The following BTBD9 variants were observed in gnomAD, a reference collection of about 807,000 sequenced individuals.
BTBD9 encodes BTB/POZ domain-containing protein 9.
A neutral mutation model predicts 64.3 loss-of-function variants in BTBD9; 49 were observed. That is an observed-to-expected ratio of 0.76 (90% confidence interval 0.61 to 0.97). BTBD9 has a LOEUF of 0.97. Ranked by LOEUF, BTBD9 falls within the 50% of genes least tolerant of loss-of-function variation. BTBD9 has a pLI of 0.00. For synonymous variants in BTBD9, 260 were observed against 274.7 expected, an observed-to-expected ratio of 0.95 and a Z score of 0.53; for missense variants, 598 against 762.1, an observed-to-expected ratio of 0.78 and a Z score of 2.53.
intron 4 of BTBD9, among the ~76,000 whole-genome samples, chr6:38,586,953 C>T (rs564458392): frequency 6.6e-6 from 1 of 151,876 alleles, no homozygotes; most frequent in East Asian, 1.9e-4. Context: ...ATCCCAGCTC[C>T]TCGGGAGGCT....
At position 38,171,272 on chromosome 6, in the gene BTBD9, C is replaced by A. The variant is rs372474013; in HGVS notation, c.*3713G>T. ...TGACAACTGGGGCGACAGCATAATACTGGGCAATTTTTTGCACAATTCAAA... is the reference window on the plus strand; with the variant it reads ...TGACAACTGGGGCGACAGCATAATAATGGGCAATTTTTTGCACAATTCAAA... On this transcript the variant is annotated 3_prime_UTR_variant, in exon 11 of 11. Coordinates refer to ENST00000481247, the MANE Select transcript of BTBD9 (RefSeq NM_001099272.2). The A allele has an allele frequency of 6.6e-6, 1 of 152,208 alleles. No homozygotes were observed. The highest frequency in any genetic ancestry group is 2.4e-5 in the African/African-American group (1 of 41,448). 9.4% of individuals were successfully genotyped at this position (152,208 alleles called of 1,614,324 possible).
At chr6:38,280,151 A>T (rs1761455255) in intron 8 of BTBD9, among the ~76,000 whole-genome samples, 1 of 152,218 alleles carries the variant, frequency 6.6e-6, no homozygotes, top group South Asian at 2.1e-4. Context: ...AAACTGGCTG[A>T]GGCATATTTA....
At position 38,560,191 on chromosome 6, in the gene BTBD9, G is replaced by A. The variant is rs182297339; in HGVS notation, c.1154+17409C>T. Among the ~76,000 whole-genome samples, 333 of 152,140 alleles carry A rather than the reference G, an allele frequency of 2.2e-3. 2 individuals carry two copies. Among genetic ancestry groups the A allele is most frequent in the Middle Eastern group, 0.017 (5 of 294 alleles). On this transcript the variant is annotated intron_variant, in intron 6 of 10. Transcript: ENST00000481247. ...GCATCTGACAAAGGTCTAATATCTA[G>A]AATTTATACGGAACTTAATTCAACA...
At chr6:38,229,464 T>C (rs1301003961) in intron 9 of BTBD9, among the ~76,000 whole-genome samples, 1 of 152,168 alleles carries the variant, frequency 6.6e-6, no homozygotes, top group African/African-American at 2.4e-5. Flanking sequence ...TATCCCTAGT[T>C]CCTTTAATTG....
chr6:38,197,472 T>C (rs1317215149), intron 9 of BTBD9, among the ~76,000 whole-genome samples: 2 of 152,308 alleles, frequency 1.3e-5, no homozygotes, highest in South Asian at 2.1e-4. Flanking sequence ...GACACCTCAT[T>C]TACGTGTCTG....
At chr6:38,193,395 C>G (rs572627926) in intron 9 of BTBD9, among the ~76,000 whole-genome samples, 158 of 152,298 alleles carry the variant, frequency 1.0e-3, no homozygotes, top group South Asian at 5.4e-3. Flanking sequence ...GCCTCTACCC[C>G]CTTCTTTCCT....
intron 6 of BTBD9, among the ~76,000 whole-genome samples, chr6:38,352,098 C>T (rs1764539508): frequency 6.6e-6 from 1 of 152,088 alleles, no homozygotes; most frequent in South Asian, 2.1e-4. Flanking sequence ...TACTAGGGGT[C>T]AGGCACTGTA....
At chr6:38,581,756 G>A (rs903362760) in intron 4 of BTBD9, among the ~76,000 whole-genome samples, 1 of 151,692 alleles carries the variant, frequency 6.6e-6, no homozygotes, top group Non-Finnish European at 1.5e-5. Context: ...CAATGGGGTG[G>A]GGGGGAGACC....
chr6:38,455,070 AAAT>A (rs1389749643), intron 6 of BTBD9, among the ~76,000 whole-genome samples: 1 of 152,170 alleles, frequency 6.6e-6, no homozygotes, highest in African/African-American at 2.4e-5. Flanking sequence ...ATAAATAAAT[AAAT>A]ATTTACTCAA....
At chr6:38,512,889 T>G (rs769520386) in intron 6 of BTBD9, among the ~76,000 whole-genome samples, 31 of 152,184 alleles carry the variant, frequency 2.0e-4, no homozygotes, top group African/African-American at 5.3e-4. Flanking sequence ...GTATATGTAA[T>G]GTAAAAATGA....
At chr6:38,540,326 A>G (rs777181575) in intron 6 of BTBD9, among the ~76,000 whole-genome samples, 6 of 152,194 alleles carry the variant, frequency 3.9e-5, no homozygotes, top group African/African-American at 9.7e-5. Flanking sequence ...GGTATAATAA[A>G]TTAATATGAA....
At chr6:38,219,846 G>C (rs1763139636) in intron 9 of BTBD9, among the ~76,000 whole-genome samples, 1 of 152,202 alleles carries the variant, frequency 6.6e-6, no homozygotes, top group African/African-American at 2.4e-5. Context: ...AGGGCATTTG[G>C]CTATCTCTGC....
At chr6:38,428,585 T>G (rs1768287244) in intron 6 of BTBD9, among the ~76,000 whole-genome samples, 1 of 151,718 alleles carries the variant, frequency 6.6e-6, no homozygotes. Flanking sequence ...TCTCATGCAT[T>G]CCCAACACCA....
At chr6:38,362,702 G>A (rs570100188) in intron 6 of BTBD9, among the ~76,000 whole-genome samples, 21 of 152,228 alleles carry the variant, frequency 1.4e-4, no homozygotes, top group Admixed American at 1.2e-3. Flanking sequence ...ATAACATTAC[G>A]ATGTACAGTG....
At chr6:38,568,065 T>A (rs1200259457) in intron 6 of BTBD9, among the ~76,000 whole-genome samples, 2 of 152,162 alleles carry the variant, frequency 1.3e-5, no homozygotes, top group African/African-American at 4.8e-5. Flanking sequence ...TTCAAAAGTA[T>A]ACAAGATATA....
At chr6:38,265,500 CTTTT>C (rs369951977) in intron 8 of BTBD9, among the ~76,000 whole-genome samples, 1 of 133,926 alleles carries the variant, frequency 7.5e-6, no homozygotes. Context: ...AACTACCAAT[CTTTT>C]TTTTTTTTTT....
chr6:38,595,995 C>G (rs919134480), intron 2 of BTBD9: 2 of 985,308 alleles, frequency 2.0e-6, no homozygotes, highest in African/African-American at 1.7e-5. Context: ...CATGAACCCC[C>G]AACTTCAACA....
intron 6 of BTBD9, among the ~76,000 whole-genome samples, chr6:38,391,633 C>CTTTTTT (rs11350619): frequency 7.1e-6 from 1 of 141,172 alleles, no homozygotes; most frequent in African/African-American, 2.6e-5. Context: ...GCTTGTTTTT[C>CTTTTTT]TTTTTTTTTT....
chr6:38,425,629 G>A (rs1470532706), intron 6 of BTBD9, among the ~76,000 whole-genome samples: 5 of 151,582 alleles, frequency 3.3e-5, no homozygotes, highest in African/African-American at 1.2e-4. Flanking sequence ...ACCCAGGCTG[G>A]ACATGATAGC....
Sources: allele counts gnomAD v4.1 joint callset (sites outside exome capture counted in the v4.1 genomes callset), GRCh38; gene constraint gnomAD v4.1.1; transcripts MANE v1.5; gene names NCBI Gene and HGNC (gene_info 2026-07-23, HGNC 2026-07-21).